The following ATXN1 variants were observed in gnomAD, a reference collection of about 807,000 sequenced individuals.
ATXN1 encodes the protein ataxin-1.
Under a neutral mutation model 56.4 loss-of-function variants are expected in ATXN1, and 8 were observed. The observed-to-expected ratio is 0.14, with a 90% CI of 0.08 to 0.26. The LOEUF (loss-of-function observed/expected upper bound fraction) is 0.26, where lower values mean the gene tolerates loss of function less well. ATXN1 is among the 10% of genes least tolerant of loss of function. The pLI is 1.00. For missense variants in ATXN1, 987 were observed against 1,106.5 expected (o/e 0.89, Z 1.53); for synonymous variants, 514 against 494.6 (o/e 1.04, Z -0.52).
At chr6:16,558,012 G>C (rs1762045309) in intron 4 of ATXN1, among the ~76,000 whole-genome samples, 1 of 152,238 alleles carries the variant, frequency 6.6e-6, no homozygotes, top group African/African-American at 2.4e-5. Context: ...CCAGGGGCCA[G>C]AAGGTAGAGG....
chr6:16,543,039 A>G (rs572596877), intron 4 of ATXN1, among the ~76,000 whole-genome samples: 7 of 152,304 alleles, frequency 4.6e-5, no homozygotes, highest in African/African-American at 1.7e-4. Context: ...ATCAACCTGG[A>G]TAAGTTCACA....
At chr6:16,526,064 T>TATATACAC (rs370698828) in intron 4 of ATXN1, among the ~76,000 whole-genome samples, 38 of 133,268 alleles carry the variant, frequency 2.9e-4, no homozygotes, top group East Asian at 4.1e-4. Context: ...TATATATATA[T>TATATACAC]ACATACATAC....
At chr6:16,679,291 G>GATGC (rs1297011642) in intron 2 of ATXN1, among the ~76,000 whole-genome samples, 1 of 150,962 alleles carries the variant, frequency 6.6e-6, no homozygotes, top group Non-Finnish European at 1.5e-5. Context: ...TGGATGGATG[G>GATGC]ATGGATGGAT....
chr6:16,419,654 C>T lies in ATXN1; in HGVS notation c.-161+66318G>A, dbSNP rs374586280. ...ATTTCCCTTTGAAGAAATCAGCCAA[C>T]GTAACAAGCAAAGGTGCCAGGGAGG... On this transcript the variant is annotated intron_variant, in intron 6 of 7. Transcript: ENST00000436367. Among the ~76,000 whole-genome samples, 44 of 152,168 alleles carry T rather than the reference C, an allele frequency of 2.9e-4. No individual in the cohort carries two copies. In the South Asian group the frequency reaches 9.0e-3, roughly 31 times the overall value.
chr6:16,696,641 A>T (rs1759171866), intron 2 of ATXN1, among the ~76,000 whole-genome samples: 1 of 152,226 alleles, frequency 6.6e-6, no homozygotes, highest in Admixed American at 6.5e-5. Context: ...TATGGAAGTA[A>T]GAACAAAAGT....
intron 6 of ATXN1, among the ~76,000 whole-genome samples, chr6:16,370,205 G>A (rs538603681): frequency 3.9e-5 from 6 of 152,170 alleles, no homozygotes; most frequent in African/African-American, 2.4e-5. Context: ...AGGCGACCCC[G>A]ACAGAGCCTG....
intron 2 of ATXN1, among the ~76,000 whole-genome samples, chr6:16,710,197 A>C (rs1759493493): frequency 6.6e-6 from 1 of 152,260 alleles, no homozygotes. Flanking sequence ...TGATTTAAAA[A>C]TTACATGTAT....
chr6:16,376,306 G>A (rs1336751812), intron 6 of ATXN1, among the ~76,000 whole-genome samples: 1 of 152,152 alleles, frequency 6.6e-6, no homozygotes, highest in Non-Finnish European at 1.5e-5. Context: ...AAGGCACTTT[G>A]GACTAAATCC....
At chr6:16,637,044 C>A (rs570469256) in intron 3 of ATXN1, among the ~76,000 whole-genome samples, 152 of 152,144 alleles carry the variant, frequency 1.0e-3, no homozygotes, top group Non-Finnish European at 1.6e-3. Context: ...GGCACATGCG[C>A]ACGTATGTTT....
At chr6:16,676,125 G>C (rs1396442014) in intron 2 of ATXN1, among the ~76,000 whole-genome samples, 3 of 151,938 alleles carry the variant, frequency 2.0e-5, no homozygotes, top group Non-Finnish European at 4.4e-5. Context: ...TCATCAACAG[G>C]GTAGTATTAC....
chr6:16,489,702 C>T (rs1172598054), intron 5 of ATXN1, among the ~76,000 whole-genome samples: 1 of 152,090 alleles, frequency 6.6e-6, no homozygotes, highest in African/African-American at 2.4e-5. Context: ...CCTGTAATCC[C>T]AGCACTTTGG....
intron 4 of ATXN1, among the ~76,000 whole-genome samples, chr6:16,558,681 T>C (rs1762060154): frequency 6.6e-6 from 1 of 152,154 alleles, no homozygotes; most frequent in African/African-American, 2.4e-5. Flanking sequence ...AAAACTATTA[T>C]TTTTAAAATA....
intron 6 of ATXN1, 91 bp downstream of exon 6, chr6:16,485,881 A>T (rs1207460452): frequency 6.6e-6 from 1 of 152,172 alleles, no homozygotes; most frequent in Non-Finnish European, 1.5e-5. Flanking sequence ...TCATGCTAAT[A>T]CCCCTTCAAC....
chr6:16,671,491 C>T (rs1360666035), intron 2 of ATXN1, among the ~76,000 whole-genome samples: 1 of 152,094 alleles, frequency 6.6e-6, no homozygotes, highest in Admixed American at 6.5e-5. Context: ...TGAAGTGAAA[C>T]TAATCAATGT....
intron 6 of ATXN1, among the ~76,000 whole-genome samples, chr6:16,368,343 C>CTTCTTTTTTTTTTTTTTTTTT (rs1354007963): frequency 1.8e-4 from 14 of 75,866 alleles, no homozygotes; most frequent in African/African-American, 4.6e-4. Flanking sequence ...ACTTCTTCTT[C>CTTCTTTTTTTTTTTTTTTTTT]TTTTTTTTTT....
chr6:16,396,019 A>AC (rs1240235708), intron 6 of ATXN1, among the ~76,000 whole-genome samples: 7 of 148,232 alleles, frequency 4.7e-5, no homozygotes, highest in Non-Finnish European at 4.5e-5. Context: ...GTCTCAAAAA[A>AC]AAAAAAAAAA....
intron 6 of ATXN1, among the ~76,000 whole-genome samples, chr6:16,379,473 C>G (rs1174920131): frequency 1.3e-5 from 2 of 152,148 alleles, no homozygotes; most frequent in Non-Finnish European, 2.9e-5. Context: ...ACGTTTTACC[C>G]TTGTGATGCA....
chr6:16,599,185 C>T (rs1320487157), intron 3 of ATXN1, among the ~76,000 whole-genome samples: 1 of 152,176 alleles, frequency 6.6e-6, no homozygotes, highest in Admixed American at 6.5e-5. Flanking sequence ...AGGGATCAGT[C>T]TTCCTTCACC....
At chr6:16,468,073 T>C (rs17593746) in intron 6 of ATXN1, among the ~76,000 whole-genome samples, 43,735 of 152,166 alleles carry the variant, frequency 0.29, 6,579 homozygotes, top group Non-Finnish European at 0.33. Flanking sequence ...ACCAGAATAA[T>C]AATTTGTCTC....
Sources: allele counts gnomAD v4.1 joint callset (sites outside exome capture counted in the v4.1 genomes callset), GRCh38; gene constraint gnomAD v4.1.1; transcripts MANE v1.5; gene names NCBI Gene and HGNC (gene_info 2026-07-23, HGNC 2026-07-21).